The following SAMD12 variants were observed in gnomAD, a reference collection of about 807,000 sequenced individuals.
The protein encoded by SAMD12 is sterile alpha motif domain containing 12.
A neutral mutation model predicts 15.0 loss-of-function variants in SAMD12; 9 were observed. The observed-to-expected ratio is 0.60, with a 90% confidence interval of 0.36 to 1.05. The LOEUF is 1.05. Among genes scored for constraint, SAMD12 ranks in the 50% least tolerant of loss-of-function variants. The pLI, the probability that SAMD12 is intolerant of heterozygous loss-of-function variation, is 0.01. For missense variants in SAMD12, 230 were observed against 234.2 expected (o/e 0.98, Z 0.12); for synonymous variants, 86 against 90.1 (o/e 0.96, Z 0.25).
chr8:118,425,097 C>A (rs1475115723), intron 3 of SAMD12, among the ~76,000 whole-genome samples: 1 of 152,164 alleles, frequency 6.6e-6, no homozygotes, highest in Non-Finnish European at 1.5e-5. Flanking sequence ...CGCCACCACG[C>A]CCAGCTAATT....
chr8:118,136,677 G>A, the SAMD12 span, among the ~76,000 whole-genome samples: 1 of 152,188 alleles, frequency 6.6e-6, no homozygotes, highest in African/African-American at 2.4e-5. Flanking sequence ...AAAGCTGTTG[G>A]TGTACACAGC....
At chr8:118,579,232 G>T (rs1347765667) in intron 2 of SAMD12, among the ~76,000 whole-genome samples, 1 of 151,852 alleles carries the variant, frequency 6.6e-6, no homozygotes, top group Admixed American at 6.6e-5. Context: ...AATATTTTAG[G>T]CATCCTTTGG....
intron 4 of SAMD12, among the ~76,000 whole-genome samples, chr8:118,261,675 C>A (rs944990335): frequency 1.3e-5 from 2 of 150,598 alleles, no homozygotes; most frequent in East Asian, 1.9e-4. Flanking sequence ...CAGTGACTGG[C>A]AGAGTTAATA....
chr8:118,369,288 A>G (rs1311251746), intron 4 of SAMD12, among the ~76,000 whole-genome samples: 3 of 152,226 alleles, frequency 2.0e-5, no homozygotes, highest in African/African-American at 7.2e-5. Flanking sequence ...GACAAACCTG[A>G]CAAAAACAAG....
At chr8:118,598,156 A>G (rs1827769583) in intron 1 of SAMD12, among the ~76,000 whole-genome samples, 1 of 152,216 alleles carries the variant, frequency 6.6e-6, no homozygotes, top group Non-Finnish European at 1.5e-5. Context: ...TTCTGGTCAA[A>G]GGAAACCTAG....
intron 4 of SAMD12, among the ~76,000 whole-genome samples, chr8:118,327,933 T>C (rs1042189961): frequency 1.3e-5 from 2 of 152,222 alleles, no homozygotes. Context: ...GTTTTCGATC[T>C]TCAAAATGCA....
At chr8:118,298,907 T>C (rs1319888979) in intron 4 of SAMD12, among the ~76,000 whole-genome samples, 1 of 152,224 alleles carries the variant, frequency 6.6e-6, no homozygotes, top group Non-Finnish European at 1.5e-5. Flanking sequence ...GTATTCTTTT[T>C]AACACTGAAA....
the SAMD12 span, among the ~76,000 whole-genome samples, chr8:118,164,763 G>GT: frequency 3.2e-4 from 49 of 150,918 alleles, no homozygotes; most frequent in Middle Eastern, 3.4e-3. Flanking sequence ...AATAATGTCT[G>GT]TTTTTTTGTT....
intron 4 of SAMD12, among the ~76,000 whole-genome samples, chr8:118,221,268 G>A (rs1414173621): frequency 6.6e-6 from 1 of 152,190 alleles, no homozygotes; most frequent in Non-Finnish European, 1.5e-5. Flanking sequence ...GAAAAAGTAA[G>A]TAATCAGATT....
At chr8:118,160,646 A>C in the SAMD12 span, among the ~76,000 whole-genome samples, 2 of 152,342 alleles carry the variant, frequency 1.3e-5, no homozygotes, top group African/African-American at 4.8e-5. Flanking sequence ...AATAAGAAGA[A>C]ATTTTGGTCT....
intron 2 of SAMD12, among the ~76,000 whole-genome samples, chr8:118,445,036 C>T (rs1822869846): frequency 6.6e-6 from 1 of 152,194 alleles, no homozygotes; most frequent in Non-Finnish European, 1.5e-5. Context: ...TGTTTGCAAG[C>T]TCTAAGAATT....
intron 4 of SAMD12, among the ~76,000 whole-genome samples, chr8:118,226,334 C>G (rs186205000): frequency 6.6e-6 from 1 of 152,270 alleles, no homozygotes; most frequent in East Asian, 1.9e-4. Context: ...CGTACTGAAG[C>G]CTCATACCGA....
intron 2 of SAMD12, among the ~76,000 whole-genome samples, chr8:118,544,055 T>G (rs982598204): frequency 6.6e-6 from 1 of 152,134 alleles, no homozygotes; most frequent in Non-Finnish European, 1.5e-5. Flanking sequence ...CTGTTCCCAA[T>G]CCACCCTACC....
chr8:118,197,721 C>T (rs1819605071), exon 5 of SAMD12: 1 of 1,613,380 alleles, frequency 6.2e-7, no homozygotes. Context: ...TATGGAGAAC[C>T]CTCAGATGAT....
chr8:118,470,002 T>C (rs1823746095), intron 2 of SAMD12, among the ~76,000 whole-genome samples: 1 of 152,174 alleles, frequency 6.6e-6, no homozygotes, highest in African/African-American at 2.4e-5. Flanking sequence ...CACACGCACA[T>C]ACATATATAT....
intron 2 of SAMD12, among the ~76,000 whole-genome samples, chr8:118,567,911 C>T (rs1464109212): frequency 6.6e-6 from 1 of 152,090 alleles, no homozygotes; most frequent in African/African-American, 2.4e-5. Flanking sequence ...TAAATGTATC[C>T]TATTATAAGA....
chr8:118,406,044 G>A lies in SAMD12; in HGVS notation c.323-26344C>T, dbSNP rs539994625. 2.6e-5 allele frequency among the ~76,000 whole-genome samples: 4 copies of A among 152,204 alleles called. No individual in the cohort carries two copies. The South Asian group carries it at 8.3e-4, about 32-fold the overall frequency. ...CAATGACAACAGGAGGCTGAGAAAT[G>A]TTGGTTTAACCAGGTTATATAAGCT... On this transcript the variant is annotated intron_variant, in intron 3 of 3. Transcript: ENST00000314727.
intron 4 of SAMD12, among the ~76,000 whole-genome samples, chr8:118,363,573 C>A (rs1197513157): frequency 6.6e-6 from 1 of 152,146 alleles, no homozygotes; most frequent in Non-Finnish European, 1.5e-5. Context: ...ACACCATCTG[C>A]TCTCCTGGTC....
intron 4 of SAMD12, among the ~76,000 whole-genome samples, chr8:118,246,572 T>G (rs117418870): frequency 6.6e-6 from 1 of 152,146 alleles, no homozygotes; most frequent in East Asian, 1.9e-4. Flanking sequence ...TTTTCACTTA[T>G]GTGTACTCAT....
Sources: allele counts gnomAD v4.1 joint callset (sites outside exome capture counted in the v4.1 genomes callset), GRCh38; gene constraint gnomAD v4.1.1; transcripts MANE v1.5; gene names NCBI Gene and HGNC (gene_info 2026-07-23, HGNC 2026-07-21).